STAM2: variants seen among roughly 807,000 people sequenced by gnomAD.
The protein encoded by STAM2 is signal transducing adapter molecule 2.
In STAM2, 51 loss-of-function variants were observed where a neutral mutation model predicts 65.6. The ratio of observed to expected loss-of-function variants is 0.78; its 90% CI spans 0.62 to 0.98. The LOEUF (loss-of-function observed/expected upper bound fraction) is 0.98, where lower values mean the gene tolerates loss of function less well. Ranked by LOEUF, STAM2 falls within the 50% of genes least tolerant of loss-of-function variation. The pLI is 0.00. For missense variants in STAM2, 584 were observed against 617.8 expected, an observed-to-expected ratio of 0.95 and a Z score of 0.58; for synonymous variants, 198 against 208.4, an observed-to-expected ratio of 0.95 and a Z score of 0.43.
intron 1 of STAM2, among the ~76,000 whole-genome samples, chr2:152,162,845 C>T (rs1281453251): frequency 6.7e-6 from 1 of 150,258 alleles, no homozygotes; most frequent in Non-Finnish European, 1.5e-5. Context: ...TTAGTAGAGA[C>T]AAGGTTTCAC....
At chr2:152,139,469 C>T (rs1277549829) in intron 7 of STAM2, among the ~76,000 whole-genome samples, 1 of 152,152 alleles carries the variant, frequency 6.6e-6, no homozygotes, top group African/African-American at 2.4e-5. Flanking sequence ...AGGGAGGAGG[C>T]CTGCTTGAGG....
chr2:152,136,557 G>A (rs1168467496), intron 7 of STAM2, among the ~76,000 whole-genome samples: 1 of 152,154 alleles, frequency 6.6e-6, no homozygotes, highest in Non-Finnish European at 1.5e-5. Context: ...AATAAAGTTG[G>A]TAGCCTTCTT....
At chr2:152,153,924 AAAT>A (rs1689494525) in intron 1 of STAM2, among the ~76,000 whole-genome samples, 1 of 147,550 alleles carries the variant, frequency 6.8e-6, no homozygotes, top group South Asian at 2.2e-4. Context: ...ACACACGCAA[AAAT>A]AATAAAAGTT....
Position 152,120,155 on chromosome 2 carries a change from CCTATCTCATA to C in STAM2, c.*409_*418del. 1 of 154,734 alleles carries C rather than the reference CCTATCTCATA, an allele frequency of 6.5e-6. No homozygotes were observed. The highest frequency in any genetic ancestry group is 1.4e-5 in the Non-Finnish European group (1 of 70,210). The allele number at this position is 154,734 out of a possible 1,614,324, so 9.6% of individuals were successfully genotyped here. On this transcript the variant is annotated 3_prime_UTR_variant, in exon 14 of 14. Transcript: ENST00000263904. ...TTCTTTAAAATAATATTTTAATCCT[CCTATCTCATA>C]CTGTTTATAAGTATGAGATACTTTT...
chr2:152,139,354 T>C (rs1689205997), intron 7 of STAM2, among the ~76,000 whole-genome samples: 1 of 152,190 alleles, frequency 6.6e-6, no homozygotes, highest in African/African-American at 2.4e-5. Context: ...AAATAGTACC[T>C]TCAGGCTAAG....
chr2:152,148,280 G>A lies in STAM2; in HGVS notation c.146C>T (p.Ala49Val), dbSNP rs768280779. The change falls in exon 3 of 14, where the codon GCC (alanine) becomes GTC (valine). Residue 49 changes from alanine to valine, a missense_variant. Physicochemically the swap from Ala to Val is moderately conservative, Grantham distance 64. Coordinates refer to ENST00000263904, the MANE Select transcript of STAM2 (RefSeq NM_005843.6). The stretch of plus-strand genomic sequence containing the variant: ...CTTATGATTTACCCTTTTCATTATG[G>A]CTTTTAGGCAATCTTTCGCTCTAAA... ...TPNGAKDCLKAIMKRVNHKVP... is the reference protein window; with the variant it reads ...TPNGAKDCLKVIMKRVNHKVP... 27 of 1,608,774 alleles carry A rather than the reference G, an allele frequency of 1.7e-5. No individual in the cohort carries two copies. Among genetic ancestry groups the A allele is most frequent in the Non-Finnish European group, 2.0e-5 (24 of 1,178,230 alleles).
rs1323271869 is a variant in STAM2, at chr2:152,143,968, G to C, written c.563C>G (p.Thr188Arg). 1.2e-6 allele frequency: 2 copies of C among 1,613,422 alleles called. No homozygotes were observed. The highest frequency in any genetic ancestry group is 1.7e-6 in the Non-Finnish European group (2 of 1,179,802). ...TTCTGAAGATGGATATAAGGATTTT[G>C]TTTCTGTGTGTTGCTGTTTCTGTTC... ...LQEQKQQHTETKSLYPSSEIQ... is the reference protein window; with the variant it reads ...LQEQKQQHTERKSLYPSSEIQ... The change falls in exon 7 of 14, where the codon ACA (threonine) becomes AGA (arginine). Residue 188 changes from threonine (T) to arginine (R), a missense_variant. Coordinates refer to ENST00000263904, the MANE Select transcript of STAM2 (RefSeq NM_005843.6).
intron 1 of STAM2, among the ~76,000 whole-genome samples, chr2:152,169,338 G>A (rs933061065): frequency 3.3e-5 from 5 of 151,918 alleles, no homozygotes; most frequent in Non-Finnish European, 5.9e-5. Context: ...GTGCAGTGAT[G>A]CAATCATGGC....
intron 5 of STAM2, among the ~76,000 whole-genome samples, chr2:152,145,634 AG>A (rs758866711): frequency 3.9e-5 from 6 of 152,228 alleles, no homozygotes; most frequent in Non-Finnish European, 8.8e-5. Flanking sequence ...CAGCTACACG[AG>A]GAGTGCCAGC....
At chr2:152,162,131 A>C (rs772154730) in intron 1 of STAM2, among the ~76,000 whole-genome samples, 1 of 152,172 alleles carries the variant, frequency 6.6e-6, no homozygotes. Flanking sequence ...CCCAATCTGC[A>C]TGCCTTCTAA....
chr2:152,126,329 TC>T lies in STAM2; in HGVS notation c.1075del (p.Glu359AsnfsTer7). On this transcript the variant is annotated frameshift_variant, in exon 12 of 14. Coordinates refer to ENST00000263904, the MANE Select transcript of STAM2 (RefSeq NM_005843.6). LOFTEE classifies it high-confidence loss of function. ...TTCATTCACCAATTTGTTATATAGT[TC>T]CAGAGCTTCCAGGACTTTAACATTC... ...ELNVKVLEAL[E>X]LYNKLVNEAP... 1 of 1,598,352 alleles carries T rather than the reference TC, an allele frequency of 6.3e-7. No homozygotes were observed. Among genetic ancestry groups the T allele is most frequent in the Non-Finnish European group, 8.5e-7 (1 of 1,172,936 alleles).
chr2:152,133,512 C>T (rs1232135171), intron 8 of STAM2, 28 bp from the exon 9 acceptor site: 1 of 1,562,218 alleles, frequency 6.4e-7, no homozygotes, highest in Admixed American at 1.7e-5. Context: ...TTTTAAGTTC[C>T]TCAGCATTTA....
rs190561953 is a variant in STAM2 at position 152,164,031 on chromosome 2, T to C, written c.40+11572A>G. Among the ~76,000 whole-genome samples the C allele has an allele frequency of 3.2e-3, 484 of 152,324 alleles. 1 individual carries two copies. Among genetic ancestry groups the C allele is most frequent in the African/African-American group, 0.011 (453 of 41,566 alleles). On this transcript the variant is annotated intron_variant, in intron 1 of 13. Transcript: ENST00000263904. ...TGGCCTCAGAAGCATGTGATCTTTA[T>C]GACCTACTCCCTGTTCGTACACCCC... is the stretch of plus-strand genomic sequence containing the variant.
At chr2:152,147,997 TA>T (rs749601265) in intron 4 of STAM2, 26 bp downstream of exon 4, 1 of 1,542,972 alleles carries the variant, frequency 6.5e-7, no homozygotes, top group Admixed American at 1.8e-5. Context: ...TTTAATGACT[TA>T]AAGTTCTTCT....
chr2:152,173,222 A>AG (rs1560227556), intron 1 of STAM2, among the ~76,000 whole-genome samples: 1 of 151,132 alleles, frequency 6.6e-6, no homozygotes, highest in Non-Finnish European at 1.5e-5. Flanking sequence ...AAAAAAAAAA[A>AG]GGGTAACAAA....
At chr2:152,144,520 C>CA (rs1477627965) in intron 6 of STAM2, among the ~76,000 whole-genome samples, 2 of 151,884 alleles carry the variant, frequency 1.3e-5, no homozygotes, top group Non-Finnish European at 2.9e-5. Flanking sequence ...ATTTTTATTT[C>CA]AAAAAAATGT....
At chr2:152,165,143 C>T (rs368038066) in intron 1 of STAM2, among the ~76,000 whole-genome samples, 102 of 152,052 alleles carry the variant, frequency 6.7e-4, no homozygotes, top group African/African-American at 2.4e-3. Context: ...AAAAATGAGT[C>T]GGTCGGGCGC....
intron 1 of STAM2, among the ~76,000 whole-genome samples, chr2:152,173,134 T>A (rs545727623): frequency 1.3e-5 from 2 of 150,666 alleles, no homozygotes; most frequent in Non-Finnish European, 2.9e-5. Context: ...TTTGTGTCCA[T>A]AGATTAACAC....
intron 1 of STAM2, among the ~76,000 whole-genome samples, chr2:152,157,364 C>G (rs1476313477): frequency 1.3e-5 from 2 of 152,110 alleles, no homozygotes; most frequent in East Asian, 3.9e-4. Context: ...AGCCGTAATC[C>G]CCAGTGTGGC....
Sources: allele counts gnomAD v4.1 joint callset (sites outside exome capture counted in the v4.1 genomes callset), GRCh38; gene constraint gnomAD v4.1.1; transcripts MANE v1.5; gene names NCBI Gene and HGNC (gene_info 2026-07-23, HGNC 2026-07-21).